THSD7A: variants seen among roughly 807,000 people sequenced by gnomAD.
THSD7A encodes the protein thrombospondin type 1 domain containing 7A.
In THSD7A, 96 loss-of-function variants were observed where a neutral mutation model predicts 231.3. The ratio of observed to expected loss-of-function variants is 0.41; its 90% CI spans 0.35 to 0.49. THSD7A has a LOEUF of 0.49. Ranked by LOEUF, THSD7A falls within the 20% of genes least tolerant of loss-of-function variation. The pLI is 0.05. For missense variants in THSD7A, 2,290 were observed against 2,070.2 expected, an observed-to-expected ratio of 1.11 and a Z score of -2.06; for synonymous variants, 940 against 743.3, an observed-to-expected ratio of 1.26 and a Z score of -4.30.
intron 1 of THSD7A, among the ~76,000 whole-genome samples, chr7:11,777,448 C>T (rs928270794): frequency 6.7e-6 from 1 of 149,972 alleles, no homozygotes; most frequent in African/African-American, 2.5e-5. Flanking sequence ...CACACACACA[C>T]ACACACACAC....
intron 1 of THSD7A, among the ~76,000 whole-genome samples, chr7:11,729,830 A>G (rs2128156728): frequency 6.6e-6 from 1 of 151,906 alleles, no homozygotes; most frequent in Non-Finnish European, 1.5e-5. Context: ...GATACCATGT[A>G]CACTTATGTT....
chr7:11,745,372 AT>A (rs200498484), intron 1 of THSD7A, among the ~76,000 whole-genome samples: 4,081 of 151,680 alleles, frequency 0.027, 200 homozygotes, highest in African/African-American at 0.094. Context: ...GATTGCAAAA[AT>A]TTTTTTCCCA....
chr7:11,592,347 C>A lies in THSD7A; in HGVS notation c.1271+907G>T, dbSNP rs567928292. 1.2e-4 allele frequency among the ~76,000 whole-genome samples: 19 copies of A among 152,270 alleles called. No homozygotes were observed. In the South Asian group the frequency reaches 3.9e-3, roughly 32 times the overall value. On this transcript the variant is annotated intron_variant, in intron 3 of 27. Coordinates refer to ENST00000423059, the MANE Select transcript of THSD7A (RefSeq NM_015204.3). ...ATAAAGATCTAGCTATATGCATGTT[C>A]TTTAAATGTTTGGAATAATCCAGAG...
At chr7:11,405,967 C>A (rs934668025) in intron 22 of THSD7A, among the ~76,000 whole-genome samples, 1 of 152,098 alleles carries the variant, frequency 6.6e-6, no homozygotes, top group Non-Finnish European at 1.5e-5. Context: ...CTGGAAATCC[C>A]GAATAGGTTA....
chr7:11,729,177 A>G (rs991943975), intron 1 of THSD7A, among the ~76,000 whole-genome samples: 17 of 151,840 alleles, frequency 1.1e-4, no homozygotes, highest in Admixed American at 9.2e-4. Flanking sequence ...ATCAAATTAT[A>G]TAATTTGGGA....
At chr7:11,642,929 A>G (rs1181242761) in intron 1 of THSD7A, among the ~76,000 whole-genome samples, 1 of 152,100 alleles carries the variant, frequency 6.6e-6, no homozygotes, top group Non-Finnish European at 1.5e-5. Flanking sequence ...CATATTCAAC[A>G]TTGACTTCTC....
chr7:11,384,879 C>T (rs545262978), intron 23 of THSD7A: 202 of 152,000 alleles, frequency 1.3e-3, no homozygotes, highest in African/African-American at 4.6e-3. Context: ...ACATTAACAA[C>T]CTGTTCAAAT....
chr7:11,738,797 T>C (rs6960116), intron 1 of THSD7A, among the ~76,000 whole-genome samples: 29,782 of 151,810 alleles, frequency 0.2, 3,855 homozygotes, highest in African/African-American at 0.36. Flanking sequence ...CTAGAAAAGG[T>C]AAGAAAATGT....
chr7:11,416,755 G>A lies in THSD7A; in HGVS notation c.3537+695C>T, dbSNP rs1273494930. Reference sequence around the variant, plus strand: ...GTTTTACAAAGGTGCCCATGGGTAAGCCAAATGTCTTACATAAGCAGCCAG... The same window carrying A: ...GTTTTACAAAGGTGCCCATGGGTAAACCAAATGTCTTACATAAGCAGCCAG... On this transcript the variant is annotated intron_variant, in intron 17 of 27. Transcript: ENST00000423059. 3.3e-5 allele frequency among the ~76,000 whole-genome samples: 5 copies of A among 152,154 alleles called. No individual in the cohort carries two copies. The South Asian group carries it at 8.3e-4, about 25-fold the overall frequency.
rs551654546 is a variant in THSD7A at position 11,711,521 on chromosome 7, T to C, written c.191-74560A>G. Among the ~76,000 whole-genome samples, 43 of 151,234 alleles carry C rather than the reference T, an allele frequency of 2.8e-4. No homozygotes were observed. The Middle Eastern group carries it at 0.02, about 72-fold the overall frequency. ...AAATCCACACTTGCAATTTTATGTA[T>C]TTAACATCCTCAATTTCCTCATCAG... On this transcript the variant is annotated intron_variant, in intron 1 of 27. Transcript: ENST00000423059.
At chr7:11,781,864 T>C (rs1023706904) in intron 1 of THSD7A, among the ~76,000 whole-genome samples, 1 of 152,220 alleles carries the variant, frequency 6.6e-6, no homozygotes, top group Non-Finnish European at 1.5e-5. Flanking sequence ...GCATTTTTTT[T>C]CTAATATGTA....
At chr7:11,560,157 CG>C (rs1365493923) in intron 4 of THSD7A, among the ~76,000 whole-genome samples, 3 of 151,748 alleles carry the variant, frequency 2.0e-5, no homozygotes, top group Non-Finnish European at 2.9e-5. Context: ...AAAAGCAAGC[CG>C]AAGAATATAT....
chr7:11,590,380 C>A lies in THSD7A; in HGVS notation c.1453+80G>T. 7.0e-7 allele frequency: 1 copy of A among 1,438,752 alleles called. No homozygotes were observed. The highest frequency in any genetic ancestry group is 1.4e-5 in the South Asian group (1 of 69,704). The allele number at this position is 1,438,752 out of a possible 1,614,324, so 89.1% of individuals were successfully genotyped here. A position where few individuals can be genotyped will look rare whatever the true frequency, so the allele number is the denominator to read the frequency against. On this transcript the variant is annotated intron_variant, in intron 4 of 27. Transcript: ENST00000423059. This position sits in a 1 kb window ranked among gnomAD's most constrained non-coding sequence, Gnocchi z 4.4. ...AATGCAGCCCTCATAACCTGGATGG[C>A]TGTGTATATATCCCTTCAGAGCAAT...
chr7:11,629,574 G>T (rs1781582346), intron 2 of THSD7A, among the ~76,000 whole-genome samples: 1 of 152,254 alleles, frequency 6.6e-6, no homozygotes, highest in South Asian at 2.1e-4. Context: ...TTTCTCTTTG[G>T]TAAGGTTAGG....
At chr7:11,537,238 A>G (rs1788950292) in intron 6 of THSD7A, among the ~76,000 whole-genome samples, 6 of 152,176 alleles carry the variant, frequency 3.9e-5, no homozygotes, top group Admixed American at 3.9e-4. Flanking sequence ...AATTGGTGGT[A>G]AAAAGTTGAG....
Position 11,401,886 on chromosome 7 carries a change from T to G in THSD7A, c.4320A>C (p.Gly1440=). 5.0e-6 allele frequency: 8 copies of G among 1,613,948 alleles called. No individual in the cohort carries two copies. Among genetic ancestry groups the G allele is most frequent in the Non-Finnish European group, 6.8e-6 (8 of 1,179,864 alleles). The change falls in exon 23 of 28, where the codon GGA becomes GGC. Residue 1440 remains glycine, a synonymous_variant. Coordinates refer to ENST00000423059, the MANE Select transcript of THSD7A (RefSeq NM_015204.3). ...TCACCGGTCTGGATCTGACCTGTAT[T>G]CCACCAAAGCCTAGATCCTCACCAT... ...CVNGEDLGFG[G]IQVRSRPVII...
intron 6 of THSD7A, among the ~76,000 whole-genome samples, chr7:11,507,011 C>T (rs1456950711): frequency 2.0e-5 from 3 of 152,162 alleles, no homozygotes; most frequent in African/African-American, 7.2e-5. Flanking sequence ...GTTCATCTCT[C>T]ATTGCTGTAG....
intron 1 of THSD7A, among the ~76,000 whole-genome samples, chr7:11,654,459 T>C (rs1180442472): frequency 6.6e-6 from 1 of 151,986 alleles, no homozygotes; most frequent in East Asian, 1.9e-4. Context: ...ACACGACATT[T>C]TATCTCTAAC....
intron 19 of THSD7A, among the ~76,000 whole-genome samples, chr7:11,410,746 C>A (rs1783755650): frequency 6.6e-6 from 1 of 151,984 alleles, no homozygotes; most frequent in Non-Finnish European, 1.5e-5. Flanking sequence ...TTAATCAGAC[C>A]TGAGTACTTA....
Sources: gnomAD v4.1 joint callset for allele counts (sites outside exome capture counted in the v4.1 genomes callset) on GRCh38, gnomAD v4.1.1 for gene constraint, Gnocchi (gnomAD v3.1) non-coding constraint, MANE v1.5 for transcripts, NCBI Gene and HGNC (gene_info 2026-07-23, HGNC 2026-07-21) for gene names.